ARAP1: variants seen among roughly 807,000 people sequenced by gnomAD.
ARAP1 encodes ArfGAP with RhoGAP domain, ankyrin repeat and PH domain 1.
A neutral mutation model predicts 172.2 loss-of-function variants in ARAP1; 76 were observed. That is an observed-to-expected ratio of 0.44 (90% CI 0.37 to 0.53). ARAP1 has a LOEUF of 0.53. Among genes scored for constraint, ARAP1 ranks in the 20% least tolerant of loss-of-function variants. The pLI, the probability that ARAP1 is intolerant of heterozygous loss-of-function variation, is 0.00. For synonymous variants in ARAP1, 804 were observed against 803.3 expected, an observed-to-expected ratio of 1.00 and a Z score of -0.01; for missense variants, 1,686 against 1,977.5, an observed-to-expected ratio of 0.85 and a Z score of 2.80.
In ARAP1 at chr11:72,726,557, TC is replaced by T. The variant is rs1240697872; in HGVS notation, c.509+62del. 16 of 1,439,628 alleles carry T rather than the reference TC, an allele frequency of 1.1e-5. No individual in the cohort carries two copies. The African/African-American group carries it at 1.4e-4, about 13-fold the overall frequency. 89.2% of individuals were successfully genotyped at this position (1,439,628 alleles called of 1,614,324 possible). A position where few individuals can be genotyped will look rare whatever the true frequency, so the allele number is the denominator to read the frequency against. ...TACCCCAGCACCAAAGGCCACAAAC[TC>T]CCCATCTACCCTCTGGGATCCTCTG... On this transcript the variant is annotated intron_variant, in intron 3 of 34. Transcript: ENST00000393609. The surrounding 1 kb of genome is among the most constrained non-coding windows in gnomAD (Gnocchi z 6.5).
At chr11:72,697,760 G>T in intron 19 of ARAP1, 111 bp from the exon 20 acceptor site, 1 of 1,538,438 alleles carries the variant, frequency 6.5e-7, no homozygotes, top group Non-Finnish European at 8.8e-7. Context: ...CAATGTATGG[G>T]GTGGCTGAGA....
At chr11:72,740,407 TC>T (rs1858161768) in intron 1 of ARAP1, among the ~76,000 whole-genome samples, 1 of 152,220 alleles carries the variant, frequency 6.6e-6, no homozygotes, top group Non-Finnish European at 1.5e-5. Context: ...TGAAAGACTT[TC>T]ACTTTCTACA....
At chr11:72,720,323 C>T (rs999500079) in intron 3 of ARAP1, among the ~76,000 whole-genome samples, 3 of 152,168 alleles carry the variant, frequency 2.0e-5, no homozygotes, top group Non-Finnish European at 2.9e-5. Context: ...GTGGCTTCTT[C>T]CTTCCTCCTC....
Position 72,695,748 on chromosome 11 carries a change from G to A in ARAP1, c.3390C>T (p.Asp1130=). ...QDYKAGRVVE[D]LINHYVVVFS... ...ACACCACCACATAGTGGTTAATGAG[G>A]TCTTCCACCACACGGCCAGCCTTGT... Residue 1130 remains aspartate, a synonymous_variant, in exon 24 of 35, where the codon GAC becomes GAT. Coordinates refer to ENST00000393609, the MANE Select transcript of ARAP1 (RefSeq NM_001040118.3). The surrounding 1 kb of genome is among the most constrained non-coding windows in gnomAD (Gnocchi z 4.4). 3 of 1,614,196 alleles carry A rather than the reference G, an allele frequency of 1.9e-6. No individual in the cohort carries two copies. The highest frequency in any genetic ancestry group is 2.5e-6 in the Non-Finnish European group (3 of 1,180,030).
In ARAP1 at chr11:72,699,681, T is replaced by C; in HGVS notation, c.2303-129A>G. The C allele has an allele frequency of 7.8e-7, 1 of 1,274,896 alleles. No individual in the cohort carries two copies. The highest frequency in any genetic ancestry group is 1.5e-5 in the South Asian group (1 of 68,020). 79.0% of individuals were successfully genotyped at this position (1,274,896 alleles called of 1,614,324 possible). A position where few individuals can be genotyped will look rare whatever the true frequency, so the allele number is the denominator to read the frequency against. On this transcript the variant is annotated intron_variant, in intron 16 of 34. Transcript: ENST00000393609. The surrounding 1 kb of genome is among the most constrained non-coding windows in gnomAD (Gnocchi z 4.2). ...TTCATTCTCTCAAGTTTTCCCTAAA[T>C]CCATCCACCTCTCTGCATCCCCACC...
At chr11:72,720,972 C>T (rs538531926) in intron 3 of ARAP1, among the ~76,000 whole-genome samples, 28 of 152,332 alleles carry the variant, frequency 1.8e-4, no homozygotes, top group Non-Finnish European at 3.5e-4. Context: ...GCTCTAAGCG[C>T]TTCCCAGGCC....
chr11:72,724,601 G>T (rs543082775), intron 3 of ARAP1, among the ~76,000 whole-genome samples: 3 of 152,202 alleles, frequency 2.0e-5, no homozygotes, highest in Admixed American at 2.0e-4. Flanking sequence ...CACACATGAG[G>T]CTCCATCTGC....
chr11:72,700,212 G>A (rs146845722), intron 16 of ARAP1: 2 of 154,460 alleles, frequency 1.3e-5, no homozygotes, highest in African/African-American at 2.4e-5. Context: ...AGAGCTTCCT[G>A]GCATCCAGGG....
intron 15 of ARAP1, among the ~76,000 whole-genome samples, chr11:72,702,299 G>A (rs1296944845): frequency 1.4e-5 from 2 of 148,138 alleles, no homozygotes; most frequent in East Asian, 2.1e-4. Flanking sequence ...AGTGTGCCCC[G>A]CCCACCCATG....
In ARAP1 at chr11:72,701,794, G is replaced by A. The variant is rs749494811; in HGVS notation, c.2168-11C>T. The A allele has an allele frequency of 3.3e-5, 54 of 1,612,184 alleles. No individual in the cohort carries two copies. The African/African-American group carries it at 4.3e-4, about 13-fold the overall frequency. On this transcript the variant is annotated splice_polypyrimidine_tract_variant and intron_variant, in intron 15 of 34. Transcript: ENST00000393609. ...CCAGCCGAGGCACCTCTTTGTAGGC[G>A]GGGAAAGGATGGCAGGTCATGCTGG...
rs1395921189 is a variant in ARAP1, at chr11:72,725,374, C to T, written c.509+1246G>A. On this transcript the variant is annotated intron_variant, in intron 3 of 34. Coordinates refer to ENST00000393609, the MANE Select transcript of ARAP1 (RefSeq NM_001040118.3). This position sits in a 1 kb window ranked among gnomAD's most constrained non-coding sequence, Gnocchi z 4.3. ...TGATGGGGTTGAAATAGAAAACGCT[C>T]CTGCATGCAGAAGAATGGTCACTAG... Among the ~76,000 whole-genome samples the T allele has an allele frequency of 6.6e-6, 1 of 151,976 alleles. No individual in the cohort carries two copies.
chr11:72,700,437 CCTGT>C (rs778290072), intron 16 of ARAP1: 2 of 152,298 alleles, frequency 1.3e-5, no homozygotes, highest in Non-Finnish European at 2.9e-5. Flanking sequence ...TGTCTCTCAT[CCTGT>C]CTGTGAGGGC....
rs200365726 is a variant in ARAP1 at position 72,697,018 on chromosome 11, G to T, written c.3131C>A (p.Thr1044Asn). Residue 1044 changes from threonine to asparagine, a missense_variant, in exon 22 of 35, where the codon ACT becomes AAT. By Grantham distance (65) the Thr-to-Asn change is moderately conservative. This residue lies in a region of ARAP1 where 274 missense variants were observed against 262.7 expected (regional missense o/e 1.04). Coordinates refer to ENST00000393609, the MANE Select transcript of ARAP1 (RefSeq NM_001040118.3). ...CAGCCAGGTTAGGCGCTGGGCGCGA[G>T]TGAAGAGCCCATCAGGCAGGTCGCG... is the stretch of plus-strand genomic sequence containing the variant. Reference protein sequence around the residue: ...FLRDLPDGLFTRAQRLTWLEA... With the variant: ...FLRDLPDGLFNRAQRLTWLEA... 1.4e-4 allele frequency: 218 copies of T among 1,608,876 alleles called. No homozygotes were observed. Among genetic ancestry groups the T allele is most frequent in the Non-Finnish European group, 1.7e-4 (200 of 1,179,916 alleles).
intron 8 of ARAP1, 116 bp from the exon 9 acceptor site, chr11:72,711,257 G>A: frequency 6.6e-7 from 1 of 1,518,982 alleles, no homozygotes; most frequent in Non-Finnish European, 8.9e-7. Flanking sequence ...ACAAGACCCT[G>A]TGCTGACCCT....
chr11:72,711,689 C>T (rs1304968207), intron 7 of ARAP1, among the ~76,000 whole-genome samples, 190 bp from the exon 8 acceptor site: 2 of 117,214 alleles, frequency 1.7e-5, no homozygotes, highest in Non-Finnish European at 3.5e-5. Context: ...CAAAGTAGCA[C>T]ATCTCTTTTT....
Position 72,695,224 on chromosome 11 carries a change from G to A in ARAP1, c.3577-127C>T. 1.5e-6 allele frequency: 2 copies of A among 1,316,998 alleles called. No homozygotes were observed. Among genetic ancestry groups the A allele is most frequent in the Non-Finnish European group, 2.1e-6 (2 of 932,986 alleles). 81.6% of individuals were successfully genotyped at this position (1,316,998 alleles called of 1,614,324 possible). On this transcript the variant is annotated intron_variant, in intron 26 of 34. Transcript: ENST00000393609. The surrounding 1 kb of genome is among the most constrained non-coding windows in gnomAD (Gnocchi z 4.4). Reference sequence around the variant, plus strand: ...TTCTGGAGTCCTGGGATAGAGAGGGGTATTTCTGAGTGGTCCTTAGGAGCA... The same window carrying A: ...TTCTGGAGTCCTGGGATAGAGAGGGATATTTCTGAGTGGTCCTTAGGAGCA...
chr11:72,749,665 C>T (rs1283131216), intron 1 of ARAP1, among the ~76,000 whole-genome samples: 1 of 151,976 alleles, frequency 6.6e-6, no homozygotes, highest in Non-Finnish European at 1.5e-5. Context: ...GGGCAGATCA[C>T]GAGGTCAGGA....
chr11:72,699,217 G>A lies in ARAP1; in HGVS notation c.2439-110C>T, dbSNP rs931034621. ...CCCCCTCCGCACTGCCTTGGCGCTTGTCCTTATTCTGGTCCCCTAAGAGGT... is the reference window on the plus strand; with the variant it reads ...CCCCCTCCGCACTGCCTTGGCGCTTATCCTTATTCTGGTCCCCTAAGAGGT... On this transcript the variant is annotated intron_variant, in intron 17 of 34. Transcript: ENST00000393609. This position sits in a 1 kb window ranked among gnomAD's most constrained non-coding sequence, Gnocchi z 4.2. 3 of 1,423,286 alleles carry A rather than the reference G, an allele frequency of 2.1e-6. No homozygotes were observed. Among genetic ancestry groups the A allele is most frequent in the Non-Finnish European group, 2.9e-6 (3 of 1,026,952 alleles). 88.2% of individuals were successfully genotyped at this position (1,423,286 alleles called of 1,614,324 possible).
chr11:72,726,792 C>T lies in ARAP1; in HGVS notation c.337G>A (p.Ala113Thr), dbSNP rs559434428. 13 of 1,551,100 alleles carry T rather than the reference C, an allele frequency of 8.4e-6. No individual in the cohort carries two copies. The highest frequency in any genetic ancestry group is 3.6e-5 in the South Asian group (3 of 84,084). ...PTTTEDEGLP[A>T]APPIPPRRSC... ...CTCCGGGGCGGGATGGGTGGGGCAG[C>T]GGGGAGCCCCTCATCCTCTGTAGTG... is the stretch of plus-strand genomic sequence containing the variant. The change falls in exon 3 of 35, where the codon GCT (alanine) becomes ACT (threonine). Residue 113 changes from alanine (A) to threonine (T), a missense_variant. Ala to Thr is a moderately conservative substitution (Grantham distance 58, BLOSUM62 0). Transcript: ENST00000393609. This position sits in a 1 kb window ranked among gnomAD's most constrained non-coding sequence, Gnocchi z 6.5.
Sources: allele counts gnomAD v4.1 joint callset (sites outside exome capture counted in the v4.1 genomes callset), GRCh38; gene constraint gnomAD v4.1.1; regional missense constraint gnomAD v4.1.1; non-coding constraint Gnocchi (gnomAD v3.1); transcripts MANE v1.5; gene names NCBI Gene and HGNC (gene_info 2026-07-23, HGNC 2026-07-21).